PLA2G4E: variants seen among roughly 807,000 people sequenced by gnomAD.
PLA2G4E encodes the protein phospholipase A2 group IVE.
A neutral mutation model predicts 109.1 loss-of-function variants in PLA2G4E; 84 were observed. That is an observed-to-expected ratio of 0.77 (90% CI 0.65 to 0.92). PLA2G4E has a LOEUF of 0.92. Among genes scored for constraint, PLA2G4E ranks in the 40% least tolerant of loss-of-function variants. PLA2G4E has a pLI of 0.00. For synonymous variants in PLA2G4E, 469 were observed against 436.1 expected (o/e 1.08, Z -0.94); for missense variants, 1,057 against 1,076.6 (o/e 0.98, Z 0.25).
chr15:41,998,616 T>G (rs1255705594), intron 10 of PLA2G4E: 1 of 152,240 alleles, frequency 6.6e-6, no homozygotes, highest in Admixed American at 6.6e-5. Context: ...CAGATGGTGC[T>G]GAGACATCTG....
chr15:41,983,982 C>T lies in PLA2G4E; in HGVS notation c.2387-8G>A. 6.3e-7 allele frequency: 1 copy of T among 1,594,284 alleles called. No homozygotes were observed. Among genetic ancestry groups the T allele is most frequent in the Non-Finnish European group, 8.5e-7 (1 of 1,169,590 alleles). ...CAGGGCTTCGCTCTACACCTGTGGGCAGCAGGATGACTTGTTATAGACTCT... is the reference window on the plus strand; with the variant it reads ...CAGGGCTTCGCTCTACACCTGTGGGTAGCAGGATGACTTGTTATAGACTCT... On this transcript the variant is annotated splice_region_variant and splice_polypyrimidine_tract_variant and intron_variant, in intron 19 of 19. Coordinates refer to ENST00000399518, the Ensembl canonical transcript of PLA2G4E.
At chr15:41,983,754 C>A in exon 20 of PLA2G4E, 1 of 1,584,626 alleles carries the variant, frequency 6.3e-7, no homozygotes, top group Non-Finnish European at 8.6e-7. Flanking sequence ...TCCCTGGGGC[C>A]TAGGAGGGAC....
chr15:42,018,472 A>G (rs1463346673), intron 1 of PLA2G4E, among the ~76,000 whole-genome samples: 2 of 152,028 alleles, frequency 1.3e-5, no homozygotes, highest in Admixed American at 6.6e-5. Flanking sequence ...GCTGGGCTGC[A>G]GCCCTGGAGT....
intron 3 of PLA2G4E, 28 bp from the exon 4 acceptor site, chr15:42,006,149 G>C (rs376326545): frequency 1.2e-6 from 2 of 1,611,842 alleles, no homozygotes; most frequent in African/African-American, 1.3e-5. Context: ...ATGCCAGTCT[G>C]GTTACCACGG....
chr15:42,037,132 G>T (rs1004927986), intron 1 of PLA2G4E, among the ~76,000 whole-genome samples: 3 of 152,238 alleles, frequency 2.0e-5, no homozygotes, highest in Admixed American at 6.5e-5. Flanking sequence ...TGGCCTGTAG[G>T]TGCCCCTTGG....
chr15:41,998,917 G>C (rs1477613882), intron 10 of PLA2G4E: 1 of 152,296 alleles, frequency 6.6e-6, no homozygotes, highest in Non-Finnish European at 1.5e-5. Context: ...GCCAGGTGTA[G>C]AGGTGTGCAT....
rs188582993 is a variant in PLA2G4E, at chr15:42,024,403, G to A, written c.184-10646C>T. On this transcript the variant is annotated intron_variant, in intron 1 of 19. Coordinates refer to ENST00000399518, the Ensembl canonical transcript of PLA2G4E. ...GCCCCAGGATCCTCAGATCCCCTGG[G>A]CTACTTGGGCCCAGCCTTGCTGCTG... 1.2e-4 allele frequency among the ~76,000 whole-genome samples: 19 copies of A among 152,324 alleles called. No homozygotes were observed. In the East Asian group the frequency reaches 3.7e-3, roughly 29 times the overall value.
intron 1 of PLA2G4E, among the ~76,000 whole-genome samples, chr15:42,028,401 T>TTCTTTATTTATTTCTA (rs1271029258): frequency 1.6e-3 from 235 of 149,884 alleles, no homozygotes; most frequent in Non-Finnish European, 1.9e-3. Flanking sequence ...ATTTATTTAT[T>TTCTTTATTTATTTCTA]TATTTATTTA....
At chr15:42,006,887 C>A (rs1358729304) in intron 3 of PLA2G4E, among the ~76,000 whole-genome samples, 1 of 152,178 alleles carries the variant, frequency 6.6e-6, no homozygotes, top group Non-Finnish European at 1.5e-5. Flanking sequence ...GTCCCAGAAC[C>A]AACCCAGCAG....
chr15:42,012,597 G>A lies in PLA2G4E; in HGVS notation c.256+1088C>T, dbSNP rs573355153. ...GCTCCCAAGGCCTCTGGATACTCAG[G>A]TCCTGCCCCTCTCAGACCCCAGGCT... On this transcript the variant is annotated intron_variant, in intron 2 of 19. Coordinates refer to ENST00000399518, the Ensembl canonical transcript of PLA2G4E. 9.2e-5 allele frequency among the ~76,000 whole-genome samples: 14 copies of A among 152,190 alleles called. No homozygotes were observed. In the South Asian group the frequency reaches 2.9e-3, roughly 32 times the overall value.
intron 12 of PLA2G4E, among the ~76,000 whole-genome samples, chr15:41,994,181 A>G (rs924060763): frequency 2.0e-5 from 3 of 152,186 alleles, no homozygotes; most frequent in Non-Finnish European, 4.4e-5. Flanking sequence ...AATAATGACA[A>G]TGCCTCTCTC....
intron 1 of PLA2G4E, among the ~76,000 whole-genome samples, chr15:42,047,214 A>T (rs1270154947): frequency 1.3e-5 from 2 of 152,178 alleles, no homozygotes; most frequent in Non-Finnish European, 2.9e-5. Flanking sequence ...TCAAGTGATG[A>T]TCCTGTCTTG....
intron 1 of PLA2G4E, chr15:42,050,449 T>C: frequency 6.8e-7 from 1 of 1,462,886 alleles, no homozygotes; most frequent in Non-Finnish European, 9.2e-7. Flanking sequence ...ATGCAGGTGA[T>C]CTTATTCCGA....
At chr15:42,008,680 C>A (rs972847115) in intron 2 of PLA2G4E, among the ~76,000 whole-genome samples, 1 of 152,160 alleles carries the variant, frequency 6.6e-6, no homozygotes, top group Non-Finnish European at 1.5e-5. Context: ...AAATAGTAGC[C>A]CAGACTGGCT....
intron 1 of PLA2G4E, among the ~76,000 whole-genome samples, chr15:42,044,983 G>T (rs1451604417): frequency 6.6e-6 from 1 of 152,074 alleles, no homozygotes; most frequent in Non-Finnish European, 1.5e-5. Context: ...ACACGGCATG[G>T]TGATAGATTA....
intron 1 of PLA2G4E, among the ~76,000 whole-genome samples, chr15:42,033,479 C>A (rs1040971400): frequency 1.3e-5 from 2 of 151,884 alleles, no homozygotes; most frequent in Non-Finnish European, 2.9e-5. Flanking sequence ...GGGGCCCTGC[C>A]CAGCCTCTGC....
Position 42,005,970 on chromosome 15 carries a change from G to T in PLA2G4E, c.525+20C>A. 6.2e-7 allele frequency: 1 copy of T among 1,612,952 alleles called. No individual in the cohort carries two copies. Among genetic ancestry groups the T allele is most frequent in the Non-Finnish European group, 8.5e-7 (1 of 1,179,156 alleles). On this transcript the variant is annotated intron_variant, in intron 4 of 19. Transcript: ENST00000399518. ...GGTTATCATGAAGCCGGAGTCTGAG[G>T]GCCTGTACCCTGCACCCACCTGCGG...
intron 14 of PLA2G4E, 136 bp from the exon 15 acceptor site, chr15:41,989,688 G>A (rs558142788): frequency 8.2e-7 from 1 of 1,223,084 alleles, no homozygotes; most frequent in Admixed American, 2.8e-5. Context: ...TCCCCCAAAG[G>A]ACACATGGGG....
Position 41,985,826 on chromosome 15 carries a change from G to T in PLA2G4E, c.2202+13C>A. On this transcript the variant is annotated intron_variant, in intron 18 of 19. Coordinates refer to ENST00000399518, the Ensembl canonical transcript of PLA2G4E. The stretch of plus-strand genomic sequence containing the variant: ...GCTGCAGCCCATGCTCAGGAGGGAG[G>T]CTGCGCACTTGCCTTTGTCTGGGAC... 2 of 1,604,936 alleles carry T rather than the reference G, an allele frequency of 1.2e-6. No homozygotes were observed. The highest frequency in any genetic ancestry group is 8.5e-7 in the Non-Finnish European group (1 of 1,176,020).
Sources: gnomAD v4.1 joint callset for allele counts (sites outside exome capture counted in the v4.1 genomes callset) on GRCh38, gnomAD v4.1.1 for gene constraint, MANE v1.5 for transcripts, NCBI Gene and HGNC (gene_info 2026-07-23, HGNC 2026-07-21) for gene names.